The following NBEA variants were observed in gnomAD, a reference collection of about 807,000 sequenced individuals.
NBEA encodes lysosomal-trafficking regulator 2.
A neutral mutation model predicts 343.4 loss-of-function variants in NBEA; 44 were observed. The observed-to-expected ratio is 0.13, with a 90% CI of 0.10 to 0.16. The LOEUF (loss-of-function observed/expected upper bound fraction) is 0.16. Ranked by LOEUF, NBEA falls within the 10% of genes least tolerant of loss-of-function variation. The pLI, the probability that NBEA is intolerant of heterozygous loss-of-function variation, is 1.00. For synonymous variants in NBEA, 1,175 were observed against 1,238.7 expected (o/e 0.95, Z 1.08); for missense variants, 2,555 against 3,631.3 (o/e 0.70, Z 7.62).
rs191319235 is a variant in NBEA, at chr13:35,434,082, G to T, written c.6304+1689G>T. 1.3e-4 allele frequency among the ~76,000 whole-genome samples: 20 copies of T among 152,144 alleles called. No homozygotes were observed. The South Asian group carries it at 1.7e-3, about 13-fold the overall frequency. ...TCCACAATCTACAGATTACTTTTAA[G>T]CAAGGCTTTTTTTAGAAAAATGTTT... On this transcript the variant is annotated intron_variant, in intron 39 of 58. Transcript: ENST00000379939.
rs1489359203 is a variant in NBEA at position 35,654,848 on chromosome 13, C to T, written c.8036-7C>T. The T allele has an allele frequency of 6.4e-7, 1 of 1,564,434 alleles. No homozygotes were observed. The highest frequency in any genetic ancestry group is 2.1e-5 in the Admixed American group (1 of 48,184). ...TTCTTCAAATGCTTTTTTCCATTTA[C>T]TTTTAGCCAATAATTCAGGTGTAAA... On this transcript the variant is annotated splice_region_variant and splice_polypyrimidine_tract_variant and intron_variant, in intron 53 of 58. Coordinates refer to ENST00000379939, the MANE Select transcript of NBEA (RefSeq NM_001385012.1).
chr13:35,184,269 TATC>T (rs1299472284), intron 30 of NBEA, among the ~76,000 whole-genome samples, 198 bp downstream of exon 30: 2 of 152,070 alleles, frequency 1.3e-5, no homozygotes, highest in Non-Finnish European at 2.9e-5. Context: ...TTTCTTTAAG[TATC>T]ATCTATAAAT....
At chr13:35,498,388 A>G (rs1382375344) in intron 41 of NBEA, among the ~76,000 whole-genome samples, 3 of 152,078 alleles carry the variant, frequency 2.0e-5, no homozygotes, top group Non-Finnish European at 4.4e-5. Flanking sequence ...AGGGATCCAC[A>G]GGCAGGAGTC....
intron 48 of NBEA, among the ~76,000 whole-genome samples, chr13:35,607,857 T>C (rs1430666598): frequency 6.6e-6 from 1 of 152,100 alleles, no homozygotes; most frequent in Non-Finnish European, 1.5e-5. Flanking sequence ...CCCCATACCT[T>C]TTAGCATCTT....
At chr13:35,255,549 G>A (rs557066009) in intron 34 of NBEA, among the ~76,000 whole-genome samples, 11 of 152,364 alleles carry the variant, frequency 7.2e-5, no homozygotes, top group Admixed American at 2.6e-4. Context: ...TGGCACAGGC[G>A]CTAGCTTCAT....
chr13:35,352,134 G>A (rs2040230891), intron 37 of NBEA, 23 bp from the exon 38 acceptor site: 1 of 1,369,134 alleles, frequency 7.3e-7, no homozygotes, highest in East Asian at 2.8e-5. Context: ...TTATTATTAT[G>A]CATCATTTGT....
chr13:35,058,083 A>G (rs1042812556), intron 7 of NBEA, among the ~76,000 whole-genome samples: 3 of 152,092 alleles, frequency 2.0e-5, no homozygotes, highest in African/African-American at 7.2e-5. Flanking sequence ...TAGAGGCTGG[A>G]AAGATCAAGC....
intron 7 of NBEA, among the ~76,000 whole-genome samples, chr13:35,057,763 A>G (rs973406517): frequency 6.6e-6 from 1 of 152,058 alleles, no homozygotes; most frequent in African/African-American, 2.4e-5. Context: ...GAAAAGACTT[A>G]GTTTTTTGGT....
intron 36 of NBEA, among the ~76,000 whole-genome samples, chr13:35,341,341 A>G (rs1482311414): frequency 6.6e-6 from 1 of 152,076 alleles, no homozygotes; most frequent in East Asian, 1.9e-4. Flanking sequence ...TGAATTACCC[A>G]ATGGTTTTCA....
intron 34 of NBEA, among the ~76,000 whole-genome samples, chr13:35,286,830 T>C (rs1406943317): frequency 3.3e-5 from 5 of 151,990 alleles, no homozygotes; most frequent in Admixed American, 6.6e-5. Context: ...AGTGTCATTC[T>C]GAAAATAGAA....
At chr13:35,448,823 A>G (rs960419767) in intron 39 of NBEA, among the ~76,000 whole-genome samples, 22 of 152,190 alleles carry the variant, frequency 1.4e-4, no homozygotes, top group African/African-American at 5.3e-4. Context: ...ACTGCTGGGC[A>G]CCAGGCACTG....
chr13:35,039,826 C>T (rs2152557067), intron 1 of NBEA, among the ~76,000 whole-genome samples: 1 of 152,242 alleles, frequency 6.6e-6, no homozygotes, highest in East Asian at 1.9e-4. Context: ...TTTGCCTTTG[C>T]TTCCTCTTTT....
chr13:35,315,745 A>G (rs2037671066), intron 36 of NBEA, among the ~76,000 whole-genome samples: 1 of 152,114 alleles, frequency 6.6e-6, no homozygotes, highest in African/African-American at 2.4e-5. Context: ...TGCATTTCTT[A>G]GGTTTTTAAG....
intron 41 of NBEA, among the ~76,000 whole-genome samples, chr13:35,489,076 G>T (rs1216040666): frequency 6.6e-6 from 1 of 151,026 alleles, no homozygotes; most frequent in Non-Finnish European, 1.5e-5. Context: ...GTTTTTATTT[G>T]CCAAGTTTTT....
chr13:35,277,666 T>C (rs945519909), intron 34 of NBEA, among the ~76,000 whole-genome samples: 2 of 129,100 alleles, frequency 1.5e-5, no homozygotes, highest in African/African-American at 5.9e-5. Context: ...AAACAACATA[T>C]GTATGCAAAG....
rs1189066335 is a variant in NBEA, at chr13:35,069,861, A to T, written c.1240-47A>T. 5 of 1,337,020 alleles carry T rather than the reference A, an allele frequency of 3.7e-6. No individual in the cohort carries two copies. The African/African-American group carries it at 7.4e-5, about 20-fold the overall frequency. 82.8% of individuals were successfully genotyped at this position (1,337,020 alleles called of 1,614,324 possible). Reference sequence around the variant, plus strand: ...TCTCTGCTTTAAAACTTTTGAGTGTAATTGTTGCTTTTAAAAAGAGTGTTT... The same window carrying T: ...TCTCTGCTTTAAAACTTTTGAGTGTTATTGTTGCTTTTAAAAAGAGTGTTT... On this transcript the variant is annotated intron_variant, in intron 8 of 58. Coordinates refer to ENST00000379939, the MANE Select transcript of NBEA (RefSeq NM_001385012.1).
intron 38 of NBEA, among the ~76,000 whole-genome samples, chr13:35,394,328 C>T (rs2042639715): frequency 6.6e-6 from 1 of 152,098 alleles, no homozygotes; most frequent in African/African-American, 2.4e-5. Context: ...TCTCTCCTTT[C>T]TTCCCTCACT....
intron 38 of NBEA, among the ~76,000 whole-genome samples, chr13:35,395,465 A>C (rs2042700835): frequency 1.3e-5 from 2 of 152,034 alleles, no homozygotes; most frequent in Non-Finnish European, 2.9e-5. Context: ...CACCAGAAGG[A>C]GAAGCTGCTA....
chr13:35,030,260 T>A (rs1461380641), intron 1 of NBEA, among the ~76,000 whole-genome samples: 2 of 151,674 alleles, frequency 1.3e-5, no homozygotes, highest in Non-Finnish European at 1.5e-5. Context: ...TCTTTCTTGC[T>A]TTTAACTTTA....
Sources: allele counts gnomAD v4.1 joint callset (sites outside exome capture counted in the v4.1 genomes callset), GRCh38; gene constraint gnomAD v4.1.1; transcripts MANE v1.5; gene names NCBI Gene and HGNC (gene_info 2026-07-23, HGNC 2026-07-21).